Variants in CYP2C19 observed in about 807,000 individuals in gnomAD.
The protein encoded by CYP2C19 is cytochrome P450 family 2 subfamily C member 19.
A neutral mutation model predicts 40.9 loss-of-function variants in CYP2C19; 59 were observed. The ratio of observed to expected loss-of-function variants is 1.44; its 90% CI spans 1.17 to 1.79. The LOEUF (loss-of-function observed/expected upper bound fraction) is 1.79, where lower values mean the gene tolerates loss of function less well. Ranked by LOEUF, CYP2C19 falls within the 40% of genes most tolerant of loss-of-function variation. CYP2C19 has a pLI of 0.00. For missense variants in CYP2C19, 754 were observed against 596.9 expected (o/e 1.26, Z -2.74); for synonymous variants, 253 against 208.7 (o/e 1.21, Z -1.83).
intron 1 of CYP2C19, among the ~76,000 whole-genome samples, chr10:94,763,967 G>T (rs140124433): frequency 1.3e-5 from 2 of 152,024 alleles, no homozygotes; most frequent in Non-Finnish European, 2.9e-5. Context: ...GAGTGAAGCC[G>T]CAGACCTTCG....
chr10:94,791,175 C>G (rs181069568), intron 5 of CYP2C19, among the ~76,000 whole-genome samples: 1 of 152,086 alleles, frequency 6.6e-6, no homozygotes, highest in Non-Finnish European at 1.5e-5. Flanking sequence ...ATAGTAATCT[C>G]TGATGGTAGT....
chr10:94,852,669 C>T (rs1849671073), intron 8 of CYP2C19, 64 bp from the exon 9 acceptor site: 1 of 1,548,002 alleles, frequency 6.5e-7, no homozygotes, highest in Admixed American at 1.7e-5. Flanking sequence ...GTTATAGAGA[C>T]AGTGTTTGTC....
intron 3 of CYP2C19, among the ~76,000 whole-genome samples, chr10:94,778,679 A>C (rs936675933): frequency 6.6e-6 from 1 of 152,170 alleles, no homozygotes; most frequent in Non-Finnish European, 1.5e-5. Context: ...AGTGTAAATT[A>C]TTTCAACCAC....
chr10:94,800,913 G>T (rs1429470089), intron 5 of CYP2C19, among the ~76,000 whole-genome samples: 1 of 152,136 alleles, frequency 6.6e-6, no homozygotes, highest in Non-Finnish European at 1.5e-5. Flanking sequence ...GCTTTTCCAG[G>T]TATCATCTCT....
At chr10:94,816,551 A>G (rs1006273040) in intron 5 of CYP2C19, among the ~76,000 whole-genome samples, 28 of 151,992 alleles carry the variant, frequency 1.8e-4, no homozygotes, top group Non-Finnish European at 2.9e-4. Context: ...TAATTTTTAC[A>G]AAAACATAAG....
intron 5 of CYP2C19, among the ~76,000 whole-genome samples, chr10:94,808,931 C>G (rs907751614): frequency 5.4e-5 from 8 of 147,232 alleles, no homozygotes; most frequent in African/African-American, 2.0e-4. Flanking sequence ...TACTGATTTC[C>G]TTTCTTTTGG....
At chr10:94,792,071 G>A (rs978948773) in intron 5 of CYP2C19, among the ~76,000 whole-genome samples, 1 of 152,060 alleles carries the variant, frequency 6.6e-6, no homozygotes, top group East Asian at 1.9e-4. Context: ...TATATATTTA[G>A]GATAGTTAGC....
chr10:94,831,221 A>G (rs1474732743), intron 6 of CYP2C19, among the ~76,000 whole-genome samples: 1 of 151,024 alleles, frequency 6.6e-6, no homozygotes, highest in African/African-American at 2.4e-5. Context: ...TTCTTTTTTT[A>G]TGGCTGAATA....
At chr10:94,817,876 A>T (rs1236329412) in intron 5 of CYP2C19, among the ~76,000 whole-genome samples, 1 of 151,496 alleles carries the variant, frequency 6.6e-6, no homozygotes, top group Non-Finnish European at 1.5e-5. Flanking sequence ...AGCCGGGCGT[A>T]GTGGCGGGCA....
At chr10:94,774,813 A>T in intron 1 of CYP2C19, 1 of 504,544 alleles carries the variant, frequency 2.0e-6, no homozygotes, top group Non-Finnish European at 3.5e-6. Context: ...CCTGCTGAAT[A>T]TGTTGGTGTG....
At position 94,853,030 on chromosome 10, in the gene CYP2C19, C is replaced by T; in HGVS notation, c.*116C>T. 3 of 1,147,636 alleles carry T rather than the reference C, an allele frequency of 2.6e-6. No homozygotes were observed. Among genetic ancestry groups the T allele is most frequent in the Middle Eastern group, 2.5e-4 (1 of 3,964 alleles). 71.1% of individuals were successfully genotyped at this position (1,147,636 alleles called of 1,614,324 possible). On this transcript the variant is annotated 3_prime_UTR_variant, in exon 9 of 9. Coordinates refer to ENST00000371321, the MANE Select transcript of CYP2C19 (RefSeq NM_000769.4). ...CCCGTCATCTCACATTTTCCCTTCC[C>T]CCAAGATCTAGTGAACATTCAGCCT...
chr10:94,825,379 G>C (rs1406188979), intron 6 of CYP2C19, among the ~76,000 whole-genome samples: 3 of 149,674 alleles, frequency 2.0e-5, no homozygotes, highest in African/African-American at 4.9e-5. Flanking sequence ...TCTCATTGTG[G>C]TTTTGATTTG....
At chr10:94,800,231 T>C (rs1264870884) in intron 5 of CYP2C19, among the ~76,000 whole-genome samples, 1 of 152,246 alleles carries the variant, frequency 6.6e-6, no homozygotes, top group Admixed American at 6.5e-5. Context: ...TTCCTTTCTG[T>C]TTGTTAGTTT....
chr10:94,844,453 G>A (rs1225297599), intron 7 of CYP2C19, among the ~76,000 whole-genome samples: 3 of 135,926 alleles, frequency 2.2e-5, no homozygotes, highest in East Asian at 4.1e-4. Context: ...TTTTGTCTTG[G>A]CAGCTTTACA....
chr10:94,796,646 T>C (rs537231888), intron 5 of CYP2C19, among the ~76,000 whole-genome samples: 2 of 152,176 alleles, frequency 1.3e-5, no homozygotes, highest in Non-Finnish European at 2.9e-5. Context: ...GTTCTTCCAT[T>C]AGTTTGTGTC....
Position 94,797,756 on chromosome 10 carries a change from A to T in CYP2C19, c.819+15759A>T, listed in dbSNP as rs537481814. On this transcript the variant is annotated intron_variant, in intron 5 of 8. Coordinates refer to ENST00000371321, the MANE Select transcript of CYP2C19 (RefSeq NM_000769.4). ...GTTCAGGAATTTATGCATTTCTTCT[A>T]GATATTCTAGTTTATTTGCATACAG... is the stretch of plus-strand genomic sequence containing the variant. Among the ~76,000 whole-genome samples the T allele has an allele frequency of 1.2e-4, 18 of 152,216 alleles. No homozygotes were observed. The South Asian group carries it at 3.3e-3, about 28-fold the overall frequency.
intron 1 of CYP2C19, chr10:94,774,412 ACT>A (rs1182147170): frequency 6.6e-6 from 1 of 152,580 alleles, no homozygotes; most frequent in Non-Finnish European, 1.5e-5. Context: ...TAAGCTATAA[ACT>A]CTGTTAAGGG....
intron 5 of CYP2C19, among the ~76,000 whole-genome samples, chr10:94,796,180 G>T (rs926164929): frequency 1.3e-5 from 2 of 152,112 alleles, no homozygotes; most frequent in Admixed American, 6.6e-5. Flanking sequence ...TTTGTATAAG[G>T]TGTAAGGAAG....
intron 5 of CYP2C19, among the ~76,000 whole-genome samples, chr10:94,789,756 A>C (rs79750498): frequency 6.6e-6 from 1 of 152,100 alleles, no homozygotes; most frequent in Non-Finnish European, 1.5e-5. Flanking sequence ...GCCTTGTAAT[A>C]TAGTTTGAAG....
Sources: allele counts gnomAD v4.1 joint callset (sites outside exome capture counted in the v4.1 genomes callset), GRCh38; gene constraint gnomAD v4.1.1; transcripts MANE v1.5; gene names NCBI Gene and HGNC (gene_info 2026-07-23, HGNC 2026-07-21).